The following SORCS3 variants were observed in gnomAD, a reference collection of about 807,000 sequenced individuals.
SORCS3 encodes the protein sortilin related VPS10 domain containing receptor 3, also known as VPS10 domain-containing receptor SorCS3.
SORCS3 carries 57 observed loss-of-function variants against 146.3 expected under a neutral mutation model. That is an observed-to-expected ratio of 0.39 (90% CI 0.31 to 0.49). The LOEUF (loss-of-function observed/expected upper bound fraction) is 0.49. Among genes scored for constraint, SORCS3 ranks in the 20% least tolerant of loss-of-function variants. The pLI is 0.92. For synonymous variants in SORCS3, 653 were observed against 618.5 expected (o/e 1.06, Z -0.83); for missense variants, 1,341 against 1,575.5 (o/e 0.85, Z 2.52).
At chr10:105,222,708 C>G (rs917539097) in intron 19 of SORCS3, among the ~76,000 whole-genome samples, 1 of 152,148 alleles carries the variant, frequency 6.6e-6, no homozygotes, top group Admixed American at 6.5e-5. Context: ...CATTAACAAT[C>G]AAGAATAATG....
chr10:105,184,812 G>A (rs1430635276), intron 14 of SORCS3, among the ~76,000 whole-genome samples: 1 of 151,826 alleles, frequency 6.6e-6, no homozygotes, highest in Admixed American at 6.6e-5. Flanking sequence ...GAGTTTTTTT[G>A]GGTAAGAACA....
intron 1 of SORCS3, among the ~76,000 whole-genome samples, chr10:104,650,952 T>C (rs764108275): frequency 6.6e-6 from 1 of 152,198 alleles, no homozygotes; most frequent in Non-Finnish European, 1.5e-5. Flanking sequence ...AACTTTTTCT[T>C]TTAAAAATCT....
intron 3 of SORCS3, among the ~76,000 whole-genome samples, chr10:104,940,217 TATATATATATATATATATATA>T (rs2019298813): frequency 1.5e-4 from 2 of 13,612 alleles, no homozygotes; most frequent in Non-Finnish European, 2.7e-4. Context: ...TATATATATA[TATATATATATATATATATATA>T]TTTTTTTTTT....
chr10:104,724,073 A>G (rs375653798), intron 1 of SORCS3, among the ~76,000 whole-genome samples: 1 of 152,064 alleles, frequency 6.6e-6, no homozygotes, highest in Admixed American at 6.6e-5. Flanking sequence ...CCTAGCCTCA[A>G]TGGTCTTTAC....
intron 5 of SORCS3, among the ~76,000 whole-genome samples, chr10:105,075,148 T>C (rs2055580716): frequency 6.6e-6 from 1 of 152,138 alleles, no homozygotes; most frequent in Admixed American, 6.6e-5. Flanking sequence ...CCACATAATC[T>C]TGCATCTAAT....
chr10:104,658,734 G>T (rs1221421149), intron 1 of SORCS3, among the ~76,000 whole-genome samples: 2 of 152,172 alleles, frequency 1.3e-5, no homozygotes, highest in Non-Finnish European at 2.9e-5. Context: ...TGTGCATGAT[G>T]ATGATGATGA....
chr10:104,734,981 T>TA (rs1053026863), intron 1 of SORCS3, among the ~76,000 whole-genome samples: 1 of 152,202 alleles, frequency 6.6e-6, no homozygotes, highest in African/African-American at 2.4e-5. Context: ...TCTCTTTTTT[T>TA]AAAAAACCAT....
At chr10:105,022,504 T>A (rs1376868313) in intron 4 of SORCS3, among the ~76,000 whole-genome samples, 1 of 152,046 alleles carries the variant, frequency 6.6e-6, no homozygotes, top group South Asian at 2.1e-4. Flanking sequence ...GTTTTTACTA[T>A]GATGGCCAGG....
At chr10:104,891,188 T>C (rs1032050756) in intron 2 of SORCS3, among the ~76,000 whole-genome samples, 1 of 152,206 alleles carries the variant, frequency 6.6e-6, no homozygotes, top group African/African-American at 2.4e-5. Context: ...CCATGACTTA[T>C]GAGGGTTGCC....
chr10:105,228,832 C>A (rs1331885983), intron 20 of SORCS3, among the ~76,000 whole-genome samples: 2 of 152,122 alleles, frequency 1.3e-5, no homozygotes, highest in East Asian at 1.9e-4. Flanking sequence ...TAAAGAAGAT[C>A]TTTTTACTTT....
At chr10:104,833,076 A>G (rs1268883514) in intron 1 of SORCS3, among the ~76,000 whole-genome samples, 1 of 152,222 alleles carries the variant, frequency 6.6e-6, no homozygotes, top group Non-Finnish European at 1.5e-5. Flanking sequence ...GATCATGTTT[A>G]TGATAAGACC....
In SORCS3 at chr10:105,136,486, C is replaced by T. The variant is rs528213046; in HGVS notation, c.1213-2911C>T. 7.4e-4 allele frequency among the ~76,000 whole-genome samples: 113 copies of T among 152,226 alleles called. 1 individual carries two copies. Among genetic ancestry groups the T allele is most frequent in the African/African-American group, 2.6e-3 (106 of 41,538 alleles). The stretch of plus-strand genomic sequence containing the variant: ...GACACAAACATTCAAACCACAGAAC[C>T]AGCATTGTCTAGGAATGAAGTAGGT... On this transcript the variant is annotated intron_variant, in intron 7 of 26. Transcript: ENST00000369701.
intron 5 of SORCS3, among the ~76,000 whole-genome samples, chr10:105,050,923 G>T (rs2055406256): frequency 6.6e-6 from 1 of 151,994 alleles, no homozygotes; most frequent in Admixed American, 6.6e-5. Flanking sequence ...TTTGCCCATT[G>T]TTTGGGTGTG....
At chr10:105,262,281 G>C in intron 25 of SORCS3, 50 bp from the exon 26 acceptor site, 1 of 1,573,076 alleles carries the variant, frequency 6.4e-7, no homozygotes. Flanking sequence ...AGCTGCCCAA[G>C]TTTGGCACAC....
At chr10:104,980,416 T>A (rs1054954984) in intron 4 of SORCS3, among the ~76,000 whole-genome samples, 7 of 152,206 alleles carry the variant, frequency 4.6e-5, no homozygotes, top group African/African-American at 1.7e-4. Context: ...AGAGTTTTTC[T>A]TTATTTTGGG....
chr10:104,948,266 G>C lies in SORCS3; in HGVS notation c.796-29069G>C, dbSNP rs529076430. ...ATAAGTCTGTCCACGGGGTTATGCT[G>C]TGCCAGACAGAAGTTGCAAAGGGTA... On this transcript the variant is annotated intron_variant, in intron 3 of 26. Coordinates refer to ENST00000369701, the MANE Select transcript of SORCS3 (RefSeq NM_014978.3). 1.4e-4 allele frequency among the ~76,000 whole-genome samples: 22 copies of C among 152,274 alleles called. No homozygotes were observed. In the South Asian group the frequency reaches 4.1e-3, roughly 29 times the overall value.
chr10:105,109,521 G>T (rs1221816335), intron 7 of SORCS3, among the ~76,000 whole-genome samples: 1 of 151,932 alleles, frequency 6.6e-6, no homozygotes, highest in Non-Finnish European at 1.5e-5. Flanking sequence ...TCTGAAATTT[G>T]TCTTCCAAGA....
At position 105,039,445 on chromosome 10, in the gene SORCS3, C is replaced by T. The variant is rs527495807; in HGVS notation, c.955-3610C>T. ...GTGAGGAGATCAGCAGTGGCTCTCT[C>T]GCTCTCTTTTTTTTTTTTTTTTTTT... On this transcript the variant is annotated intron_variant, in intron 4 of 26. Coordinates refer to ENST00000369701, the MANE Select transcript of SORCS3 (RefSeq NM_014978.3). 6.1e-5 allele frequency among the ~76,000 whole-genome samples: 9 copies of T among 146,434 alleles called. No homozygotes were observed. The East Asian group carries it at 1.6e-3, about 26-fold the overall frequency.
chr10:104,992,390 T>G (rs763924038), intron 4 of SORCS3, among the ~76,000 whole-genome samples: 8 of 152,216 alleles, frequency 5.3e-5, no homozygotes, highest in Non-Finnish European at 1.2e-4. Flanking sequence ...GGCTATTTGT[T>G]GTATAAGCTA....
Sources: gnomAD v4.1 joint callset for allele counts (sites outside exome capture counted in the v4.1 genomes callset) on GRCh38, gnomAD v4.1.1 for gene constraint, MANE v1.5 for transcripts, NCBI Gene and HGNC (gene_info 2026-07-23, HGNC 2026-07-21) for gene names.